Variants in EBF2 observed in about 807,000 individuals in gnomAD.
EBF2 encodes EBF transcription factor 2.
Under a neutral mutation model 72.8 loss-of-function variants are expected in EBF2, and 21 were observed. That is an observed-to-expected ratio of 0.29 (90% CI 0.20 to 0.42). EBF2 has a LOEUF of 0.42. EBF2 is among the 10% of genes least tolerant of loss of function. The pLI is 1.00. For synonymous variants in EBF2, 299 were observed against 274.2 expected, an observed-to-expected ratio of 1.09 and a Z score of -0.89; for missense variants, 637 against 731.2, an observed-to-expected ratio of 0.87 and a Z score of 1.49.
At chr8:26,015,882 C>G (rs1183748143) in intron 6 of EBF2, among the ~76,000 whole-genome samples, 2 of 152,196 alleles carry the variant, frequency 1.3e-5, no homozygotes, top group African/African-American at 4.8e-5. Context: ...TTAGCCCTGA[C>G]CTGATGTGGT....
At chr8:26,012,571 A>T (rs377426900) in intron 6 of EBF2, among the ~76,000 whole-genome samples, 1 of 152,220 alleles carries the variant, frequency 6.6e-6, no homozygotes, top group Non-Finnish European at 1.5e-5. Context: ...TCGAAAATGA[A>T]ATCTATTAAG....
rs76898287 is a variant in EBF2, at chr8:26,040,106, G to A, written c.409-5C>T. On this transcript the variant is annotated splice_polypyrimidine_tract_variant and splice_region_variant and intron_variant, in intron 4 of 15. Transcript: ENST00000520164. ...CTGTCCCTCGTAAGCGATGGGCTGT[G>A]AAGGAGGTAGTGGCAGGAAAGGAAG... is the stretch of plus-strand genomic sequence containing the variant. 5.9e-4 allele frequency: 955 copies of A among 1,613,782 alleles called. 5 individuals are homozygous for A. In the East Asian group the frequency reaches 0.019, roughly 32 times the overall value.
intron 10 of EBF2, among the ~76,000 whole-genome samples, chr8:25,865,596 T>C (rs745861061): frequency 6.6e-6 from 1 of 152,032 alleles, no homozygotes; most frequent in Non-Finnish European, 1.5e-5. Context: ...AAAATATCTT[T>C]TTCTTTTTTC....
At chr8:25,990,695 C>T (rs1307725153) in intron 6 of EBF2, among the ~76,000 whole-genome samples, 1 of 152,208 alleles carries the variant, frequency 6.6e-6, no homozygotes, top group Non-Finnish European at 1.5e-5. Context: ...CAAAACTCAG[C>T]CAAATGGCAT....
intron 14 of EBF2, chr8:25,857,912 A>G (rs1005159753): frequency 2.9e-6 from 1 of 347,644 alleles, no homozygotes; most frequent in African/African-American, 2.1e-5. Flanking sequence ...AACTGCAGCA[A>G]AGCCAAACTT....
intron 6 of EBF2, among the ~76,000 whole-genome samples, chr8:25,925,253 C>T (rs1029911485): frequency 2.6e-5 from 4 of 152,068 alleles, no homozygotes; most frequent in Admixed American, 6.5e-5. Flanking sequence ...GAGTTATACT[C>T]ATGACATATT....
chr8:26,026,561 C>T (rs1484921626), intron 6 of EBF2, among the ~76,000 whole-genome samples: 1 of 152,188 alleles, frequency 6.6e-6, no homozygotes, highest in East Asian at 1.9e-4. Context: ...ACTGCACTAT[C>T]CACTCCTCAG....
intron 7 of EBF2, among the ~76,000 whole-genome samples, chr8:25,890,445 A>G (rs1802758031): frequency 1.3e-5 from 2 of 152,204 alleles, no homozygotes; most frequent in African/African-American, 4.8e-5. Flanking sequence ...GATGTGTAGC[A>G]TCTAATGAGG....
chr8:26,015,097 A>AC (rs1041139563), intron 6 of EBF2, among the ~76,000 whole-genome samples: 80 of 152,206 alleles, frequency 5.3e-4, no homozygotes, highest in African/African-American at 1.9e-3. Flanking sequence ...ACAAATGTGG[A>AC]CCCCCGATAG....
At chr8:25,858,577 C>A in intron 13 of EBF2, 73 bp from the exon 14 acceptor site, 1 of 1,477,784 alleles carries the variant, frequency 6.8e-7, no homozygotes, top group South Asian at 1.3e-5. Flanking sequence ...TAGCACAGGT[C>A]CTCATTGGCC....
At chr8:25,904,228 T>A (rs1219620445) in intron 7 of EBF2, among the ~76,000 whole-genome samples, 1 of 97,046 alleles carries the variant, frequency 1.0e-5, no homozygotes, top group Admixed American at 1.2e-4. Context: ...CTTAAAGGGG[T>A]CTGGGCCAAA....
chr8:26,003,947 G>T (rs561030267), intron 6 of EBF2, among the ~76,000 whole-genome samples: 22 of 152,226 alleles, frequency 1.4e-4, no homozygotes, highest in African/African-American at 3.6e-4. Flanking sequence ...GTAGTTTGTA[G>T]CAAAGCTCTT....
chr8:25,866,024 C>CA (rs550648526), intron 10 of EBF2, among the ~76,000 whole-genome samples: 6,810 of 135,806 alleles, frequency 0.05, 367 homozygotes, highest in African/African-American at 0.12. Flanking sequence ...GACTCCGTCT[C>CA]AAAAAAAAAA....
At chr8:25,957,559 T>C (rs1031095293) in intron 6 of EBF2, among the ~76,000 whole-genome samples, 1 of 152,134 alleles carries the variant, frequency 6.6e-6, no homozygotes, top group Non-Finnish European at 1.5e-5. Context: ...CATCCAAGGC[T>C]GGACAAGAAA....
At chr8:25,973,947 G>A (rs1804228549) in intron 6 of EBF2, among the ~76,000 whole-genome samples, 1 of 152,098 alleles carries the variant, frequency 6.6e-6, no homozygotes, top group Non-Finnish European at 1.5e-5. Context: ...CGAAGTGCTG[G>A]GATTACAGGT....
intron 6 of EBF2, among the ~76,000 whole-genome samples, chr8:25,993,261 T>A (rs780913051): frequency 6.6e-6 from 1 of 152,192 alleles, no homozygotes; most frequent in Non-Finnish European, 1.5e-5. Context: ...CATCACTGAA[T>A]AAATTTTTAA....
intron 7 of EBF2, among the ~76,000 whole-genome samples, chr8:25,905,544 G>T (rs371546938): frequency 6.6e-6 from 1 of 152,218 alleles, no homozygotes; most frequent in East Asian, 1.9e-4. Context: ...TCACATAGAG[G>T]AACTTTAAAA....
At chr8:26,039,486 C>G (rs888079722) in intron 5 of EBF2, among the ~76,000 whole-genome samples, 2 of 151,982 alleles carry the variant, frequency 1.3e-5, no homozygotes, top group African/African-American at 4.8e-5. Context: ...GAAACTCCCC[C>G]GACACGAGAA....
intron 6 of EBF2, among the ~76,000 whole-genome samples, chr8:25,940,754 A>G (rs1220281085): frequency 6.6e-6 from 1 of 152,140 alleles, no homozygotes; most frequent in East Asian, 1.9e-4. Flanking sequence ...CACCCACTTG[A>G]TCTGGCAAAT....
Sources: gnomAD v4.1 joint callset for allele counts (sites outside exome capture counted in the v4.1 genomes callset) on GRCh38, gnomAD v4.1.1 for gene constraint, MANE v1.5 for transcripts, NCBI Gene and HGNC (gene_info 2026-07-23, HGNC 2026-07-21) for gene names.